TENM1: variants seen among roughly 807,000 people sequenced by gnomAD.
TENM1 encodes the protein teneurin-1.
A neutral mutation model predicts 174.8 loss-of-function variants in TENM1; 35 were observed. The ratio of observed to expected loss-of-function variants is 0.20; its 90% confidence interval spans 0.15 to 0.27. The LOEUF (loss-of-function observed/expected upper bound fraction) is 0.27. Among genes scored for constraint, TENM1 ranks in the 10% least tolerant of loss-of-function variants. TENM1 has a pLI of 1.00. For synonymous variants in TENM1, 781 were observed against 798.7 expected (o/e 0.98, Z 0.37); for missense variants, 1,633 against 2,130.1 (o/e 0.77, Z 4.59).
chrX:125,012,424 C>T, the TENM1 span, among the ~76,000 whole-genome samples: 6 of 112,250 alleles, frequency 5.3e-5, no homozygotes, highest in South Asian at 3.6e-4. Flanking sequence ...TGAGACTACA[C>T]GCTTAGAAGC....
At chrX:125,093,415 T>C in the TENM1 span, among the ~76,000 whole-genome samples, 2 of 111,869 alleles carry the variant, frequency 1.8e-5, no homozygotes, top group Non-Finnish European at 3.8e-5. Context: ...ACATATATTC[T>C]ATCAGTCAAC....
At chrX:124,416,808 AGG>A (rs1167775317) in intron 25 of TENM1, among the ~76,000 whole-genome samples, 1 of 112,028 alleles carries the variant, frequency 8.9e-6, no homozygotes. Context: ...CTAACAGGTG[AGG>A]CCTTTAGGAG....
At chrX:124,619,719 G>A (rs778025027) in intron 11 of TENM1, among the ~76,000 whole-genome samples, 3 of 111,984 alleles carry the variant, frequency 2.7e-5, no homozygotes, top group African/African-American at 9.7e-5. Flanking sequence ...ATATGGAAGA[G>A]TGTAAAAAAG....
the TENM1 span, among the ~76,000 whole-genome samples, chrX:125,192,208 T>C: frequency 4.5e-5 from 5 of 110,822 alleles, no homozygotes; most frequent in Admixed American, 3.8e-4. Context: ...CACAAGGCCC[T>C]GAGAAAAAAA....
Position 124,420,535 on chromosome X carries a change from A to G in TENM1, c.4758T>C (p.Ile1586=), listed in dbSNP as rs201236224. 1.1e-5 allele frequency: 13 copies of G among 1,210,987 alleles called. No individual in the cohort carries two copies. The South Asian group carries it at 1.8e-4, about 16-fold the overall frequency. The change falls in exon 25 of 32, where the codon ATT becomes ATC. Residue 1586 remains isoleucine (I), a synonymous_variant. Coordinates refer to ENST00000422452, the Ensembl canonical transcript of TENM1. ...GCACTGAATTGCCATTGCTGCTGGT[A>G]ATCGCGCCCAAGTCACCTTCAGAAT... is the stretch of plus-strand genomic sequence containing the variant.
At chrX:125,170,222 C>T in the TENM1 span, among the ~76,000 whole-genome samples, 5 of 111,011 alleles carry the variant, frequency 4.5e-5, no homozygotes, top group Non-Finnish European at 9.5e-5. Flanking sequence ...TTAGAGCAGG[C>T]CTTATGTTTT....
the TENM1 span, among the ~76,000 whole-genome samples, chrX:125,200,785 A>G: frequency 2.7e-5 from 3 of 110,946 alleles, no homozygotes; most frequent in Admixed American, 1.9e-4. Context: ...TTTATAAGTA[A>G]GTAAATAAAT....
rs768413703 is a variant in TENM1, at chrX:124,416,695, G to A, written c.4982+3616C>T. Among the ~76,000 whole-genome samples the A allele has an allele frequency of 8.4e-4, 93 of 111,166 alleles. 1 individual carries two copies. The highest frequency in any genetic ancestry group is 2.9e-3 in the African/African-American group (88 of 30,535). On this transcript the variant is annotated intron_variant, in intron 25 of 31. Coordinates refer to ENST00000422452, the Ensembl canonical transcript of TENM1. ...ACTTATCAGGAGTATTTGGCACAGT[G>A]GCTCACTCTTTCCTCCTGGAATCAC... is the stretch of plus-strand genomic sequence containing the variant.
chrX:125,011,262 C>A, the TENM1 span, among the ~76,000 whole-genome samples: 1 of 111,880 alleles, frequency 8.9e-6, no homozygotes, highest in South Asian at 3.7e-4. Flanking sequence ...CCAATCAGGA[C>A]ATGGGCATGG....
chrX:124,384,505 T>C, exon 30 of TENM1: 1 of 1,210,990 alleles, frequency 8.3e-7, no homozygotes, highest in Non-Finnish European at 1.1e-6. Context: ...TTATGTCACA[T>C]ATTACCATGC....
At chrX:125,161,028 T>C in the TENM1 span, among the ~76,000 whole-genome samples, 1 of 71,508 alleles carries the variant, frequency 1.4e-5, no homozygotes, top group African/African-American at 6.1e-5. Context: ...CTTTCGACAA[T>C]GGCCAAAAAG....
intron 4 of TENM1, among the ~76,000 whole-genome samples, chrX:124,718,352 A>C (rs954952432): frequency 4.5e-5 from 5 of 112,284 alleles, no homozygotes; most frequent in African/African-American, 1.6e-4. Context: ...CTCCTTTGCT[A>C]TAGGTTGTTT....
chrX:124,392,242 G>C, exon 28 of TENM1: 2 of 1,210,520 alleles, frequency 1.7e-6, no homozygotes, highest in South Asian at 3.5e-5. Flanking sequence ...GGGTCGCCCA[G>C]TCTGGTCATA....
chrX:125,049,153 T>C, the TENM1 span, among the ~76,000 whole-genome samples: 1 of 111,598 alleles, frequency 9.0e-6, no homozygotes, highest in South Asian at 3.7e-4. Context: ...GTGTTTAGTA[T>C]ATTCCCAGAA....
chrX:124,554,043 A>G (rs1314092369), intron 14 of TENM1, among the ~76,000 whole-genome samples: 1 of 111,501 alleles, frequency 9.0e-6, no homozygotes. Flanking sequence ...CAGGAGGTGG[A>G]GGTTGCAGTG....
At chrX:124,525,828 C>T (rs189666049) in intron 16 of TENM1, among the ~76,000 whole-genome samples, 2 of 111,944 alleles carry the variant, frequency 1.8e-5, no homozygotes, top group East Asian at 5.6e-4. Flanking sequence ...CTCTTAGCTG[C>T]TATTGTAAAT....
At chrX:124,911,139 C>T (rs1603272792) in intron 1 of TENM1, among the ~76,000 whole-genome samples, 1 of 111,117 alleles carries the variant, frequency 9.0e-6, no homozygotes, top group African/African-American at 3.3e-5. Flanking sequence ...TGTTGTCGAA[C>T]TCCTGAGCTC....
chrX:125,022,070 T>A, the TENM1 span, among the ~76,000 whole-genome samples: 1 of 112,455 alleles, frequency 8.9e-6, no homozygotes, highest in Non-Finnish European at 1.9e-5. Context: ...GAGTACCTAT[T>A]TGGCTAGAAA....
At position 124,790,814 on chromosome X, in the gene TENM1, A is replaced by G. The variant is rs781325588; in HGVS notation, c.536-53617T>C. ...TACCATTTAGCCATGTATTATTTAT[A>G]TAATACTGATTTATAGAATACTTAT... On this transcript the variant is annotated intron_variant, in intron 3 of 31. Transcript: ENST00000422452. 3.6e-5 allele frequency among the ~76,000 whole-genome samples: 4 copies of G among 111,446 alleles called. No individual in the cohort carries two copies. In the East Asian group the frequency reaches 1.1e-3, roughly 31 times the overall value.
Sources: allele counts gnomAD v4.1 joint callset (sites outside exome capture counted in the v4.1 genomes callset), GRCh38; gene constraint gnomAD v4.1.1; transcripts MANE v1.5; gene names NCBI Gene and HGNC (gene_info 2026-07-23, HGNC 2026-07-21).